ESCO1: variants seen among roughly 807,000 people sequenced by gnomAD.
The protein encoded by ESCO1 is establishment of sister chromatid cohesion N-acetyltransferase 1.
In ESCO1, 33 loss-of-function variants were observed where a neutral mutation model predicts 83.5. The ratio of observed to expected loss-of-function variants is 0.40; its 90% CI spans 0.30 to 0.53. The LOEUF (loss-of-function observed/expected upper bound fraction) is 0.53. Ranked by LOEUF, ESCO1 falls within the 20% of genes least tolerant of loss-of-function variation. The probability of loss-of-function intolerance (pLI) is 0.63; values close to 1 mark genes in which losing one functional copy is unlikely to be tolerated. For synonymous variants in ESCO1, 332 were observed against 324.3 expected (o/e 1.02, Z -0.25); for missense variants, 855 against 968.0 (o/e 0.88, Z 1.55).
chr18:21,573,724 C>A lies in ESCO1; in HGVS notation c.1120G>T (p.Val374Leu), dbSNP rs774661376. ...RFFPSRKTKP[V>L]KCILNGINSS... The stretch of plus-strand genomic sequence containing the variant: ...TTTATTCCATTTAGTATACATTTCA[C>A]AGGCTTTGTTTTTCTACTTGGGAAA... Residue 374 changes from valine (V) to leucine (L), a missense_variant, in exon 4 of 12, where the codon GTG becomes TTG. This residue lies in a region of ESCO1 where 726 missense variants were observed against 699.5 expected (regional missense o/e 1.04). Coordinates refer to ENST00000269214, the MANE Select transcript of ESCO1 (RefSeq NM_052911.3). 1.2e-5 allele frequency: 19 copies of A among 1,614,150 alleles called. No homozygotes were observed. In the Admixed American group the frequency reaches 3.2e-4, roughly 27 times the overall value.
At chr18:21,532,071 G>T (rs544607434) in intron 11 of ESCO1, among the ~76,000 whole-genome samples, 85 of 152,110 alleles carry the variant, frequency 5.6e-4, no homozygotes, top group African/African-American at 1.9e-3. Flanking sequence ...ACTAATAAGA[G>T]ATTTTGATAG....
At chr18:21,590,343 T>C (rs1363937195) in intron 1 of ESCO1, among the ~76,000 whole-genome samples, 2 of 151,624 alleles carry the variant, frequency 1.3e-5, no homozygotes, top group African/African-American at 4.8e-5. Flanking sequence ...TGCCTCAGCC[T>C]CCTCAGTAGC....
chr18:21,553,647 C>T (rs993399333), intron 8 of ESCO1, among the ~76,000 whole-genome samples: 27 of 151,718 alleles, frequency 1.8e-4, no homozygotes, highest in African/African-American at 5.5e-4. Flanking sequence ...CACCTGAGGT[C>T]GGGAGTTCGA....
In ESCO1 at chr18:21,575,439, T is replaced by C. The variant is rs954640937; in HGVS notation, c.-587-9A>G. On this transcript the variant is annotated splice_polypyrimidine_tract_variant and intron_variant, in intron 3 of 11. Transcript: ENST00000269214. ...CTTTTGTGCTGCCGTTTCTGAAAAA[T>C]TAAAAAACAAAAATAAAGTTTTGTA... The C allele has an allele frequency of 2.5e-6, 1 of 398,034 alleles. No individual in the cohort carries two copies. 24.7% of individuals were successfully genotyped at this position (398,034 alleles called of 1,614,324 possible). A position where few individuals can be genotyped will look rare whatever the true frequency, so the allele number is the denominator to read the frequency against.
At chr18:21,578,994 G>A (rs1160874261) in intron 2 of ESCO1, among the ~76,000 whole-genome samples, 2 of 152,106 alleles carry the variant, frequency 1.3e-5, no homozygotes, top group African/African-American at 2.4e-5. Flanking sequence ...CTGAGTAGCT[G>A]GGATTACAGG....
chr18:21,567,986 A>G lies in ESCO1; in HGVS notation c.1639T>C (p.Phe547Leu), dbSNP rs1471212149. ...QAKIDTGENK[F>L]PGSAPQQHSI... ...AATATTTCCAAAGTATTACCTGGAA[A>G]TTTATTCTCTCCTGTATCAATTTTT... Residue 547 changes from phenylalanine (F) to leucine (L), a missense_variant, in exon 5 of 12, where the codon TTT becomes CTT. Physicochemically the swap from Phe to Leu is conservative, Grantham distance 22. Transcript: ENST00000269214. The G allele has an allele frequency of 6.2e-7, 1 of 1,608,434 alleles. No individual in the cohort carries two copies. Among genetic ancestry groups the G allele is most frequent in the South Asian group, 1.1e-5 (1 of 89,728 alleles).
chr18:21,581,861 T>C (rs1158263457), intron 2 of ESCO1, among the ~76,000 whole-genome samples: 7 of 150,252 alleles, frequency 4.7e-5, no homozygotes, highest in Non-Finnish European at 8.9e-5. Flanking sequence ...CAAAGAAAAA[T>C]TTATTAATCA....
At chr18:21,553,410 A>T (rs946566713) in intron 8 of ESCO1, among the ~76,000 whole-genome samples, 77 of 5,018 alleles carry the variant, frequency 0.015, no homozygotes, top group Non-Finnish European at 0.045. Flanking sequence ...GTTCGAAATA[A>T]GCTAAGATGA....
intron 2 of ESCO1, among the ~76,000 whole-genome samples, chr18:21,579,464 TA>T (rs1040072599): frequency 5.3e-5 from 8 of 149,692 alleles, no homozygotes; most frequent in African/African-American, 2.0e-4. Context: ...CCCATCTCTT[TA>T]AAAAACAAAA....
chr18:21,580,864 T>C (rs1448762653), intron 2 of ESCO1, among the ~76,000 whole-genome samples: 1 of 151,970 alleles, frequency 6.6e-6, no homozygotes, highest in Non-Finnish European at 1.5e-5. Context: ...GTGGTGCATG[T>C]CTGTAATCCC....
rs1568106947 is a variant in ESCO1, at chr18:21,574,228, G to GT, written c.615dup (p.Arg206ThrfsTer12). On this transcript the variant is annotated frameshift_variant, in exon 4 of 12. Transcript: ENST00000269214. LOFTEE classifies it high-confidence loss of function. The stretch of plus-strand genomic sequence containing the variant: ...CAAGCTGTCTGATGTTCTACCTTGC[G>GT]TTTTTTCCCTTTGGGAGAATTTATT... 6.2e-7 allele frequency: 1 copy of GT among 1,613,686 alleles called. No homozygotes were observed. Among genetic ancestry groups the GT allele is most frequent in the Non-Finnish European group, 8.5e-7 (1 of 1,179,982 alleles).
rs766439316 is a variant in ESCO1, at chr18:21,573,357, A to G, written c.1487T>C (p.Leu496Ser). The G allele has an allele frequency of 7.5e-6, 12 of 1,591,716 alleles. No homozygotes were observed. Among genetic ancestry groups the G allele is most frequent in the Non-Finnish European group, 9.4e-6 (11 of 1,174,792 alleles). The change falls in exon 4 of 12, where the codon TTG becomes TCG. Residue 496 changes from leucine (L) to serine (S), a missense_variant. Around this residue, in one of 2 missense-constraint regions of ESCO1, gnomAD observed 726 missense variants for 699.5 expected, o/e 1.04. Transcript: ENST00000269214. Reference protein sequence around the residue: ...ANEIKPSDPPLDNQMKHSFDS... With the variant: ...ANEIKPSDPPSDNQMKHSFDS... ...AAAAGAATGTTTCATCTGATTATCC[A>G]ATGGTGGGTCAGAAGGTTTTATCTC... is the stretch of plus-strand genomic sequence containing the variant.
intron 2 of ESCO1, among the ~76,000 whole-genome samples, chr18:21,580,931 G>A (rs984834965): frequency 2.0e-5 from 3 of 152,082 alleles, no homozygotes; most frequent in African/African-American, 7.2e-5. Flanking sequence ...CGGAGGTTGC[G>A]GTAAGCTGAG....
rs372307059 is a variant in ESCO1, at chr18:21,577,442, C to T, written c.-693-1665G>A. ...TGGGAGGCCGAGGCGGGCAGATTCACGAGGTCAGGAGGTCGAGACCATCCT... is the reference window on the plus strand; with the variant it reads ...TGGGAGGCCGAGGCGGGCAGATTCATGAGGTCAGGAGGTCGAGACCATCCT... On this transcript the variant is annotated intron_variant, in intron 2 of 11. Coordinates refer to ENST00000269214, the MANE Select transcript of ESCO1 (RefSeq NM_052911.3). Among the ~76,000 whole-genome samples, 475 of 148,798 alleles carry T rather than the reference C, an allele frequency of 3.2e-3. 3 individuals carry two copies. Among genetic ancestry groups the T allele is most frequent in the African/African-American group, 0.011 (451 of 40,280 alleles).
chr18:21,597,205 A>G (rs1568117405), intron 1 of ESCO1, among the ~76,000 whole-genome samples: 1 of 152,194 alleles, frequency 6.6e-6, no homozygotes, highest in African/African-American at 2.4e-5. Context: ...CACCCAACAT[A>G]CTGGTCATAA....
At chr18:21,578,672 G>C (rs1396486127) in intron 2 of ESCO1, among the ~76,000 whole-genome samples, 5 of 151,752 alleles carry the variant, frequency 3.3e-5, no homozygotes, top group African/African-American at 1.2e-4. Flanking sequence ...CTGAGTAACA[G>C]AGCAAGATCT....
chr18:21,556,560 C>T (rs1164113059), intron 8 of ESCO1, among the ~76,000 whole-genome samples: 1 of 152,188 alleles, frequency 6.6e-6, no homozygotes, highest in African/African-American at 2.4e-5. Context: ...CTATATACCA[C>T]CTAACACAGT....
chr18:21,597,718 C>G (rs2038786041), intron 1 of ESCO1, among the ~76,000 whole-genome samples: 1 of 152,090 alleles, frequency 6.6e-6, no homozygotes, highest in African/African-American at 2.4e-5. Flanking sequence ...TAAAGTAATA[C>G]TTAATACCAC....
chr18:21,572,131 G>C (rs1458795612), intron 4 of ESCO1, among the ~76,000 whole-genome samples: 1 of 152,164 alleles, frequency 6.6e-6, no homozygotes, highest in Non-Finnish European at 1.5e-5. Context: ...CTAATGTTCA[G>C]AGTATGTTGT....
Sources: gnomAD v4.1 joint callset for allele counts (sites outside exome capture counted in the v4.1 genomes callset) on GRCh38, gnomAD v4.1.1 for gene constraint, gnomAD v4.1.1 regional missense constraint, MANE v1.5 for transcripts, NCBI Gene and HGNC (gene_info 2026-07-23, HGNC 2026-07-21) for gene names.